VEGFC: variants seen among roughly 807,000 people sequenced by gnomAD.
VEGFC encodes vascular endothelial growth factor C, also known as FLT4 ligand DHM.
VEGFC carries 12 observed loss-of-function variants against 46.1 expected under a neutral mutation model. That is an observed-to-expected ratio of 0.26 (90% CI 0.17 to 0.42). The LOEUF is 0.42. VEGFC is among the 10% of genes least tolerant of loss of function. VEGFC has a pLI of 1.00. For synonymous variants in VEGFC, 232 were observed against 195.5 expected (o/e 1.19, Z -1.56); for missense variants, 488 against 529.4 (o/e 0.92, Z 0.77).
At position 176,684,882 on chromosome 4, in the gene VEGFC, C is replaced by T. The variant is rs111502509; in HGVS notation, c.1146-842G>A. ...CTGGGATTACAGGTATGTGTGGCCA[C>T]GCCTGGCTAAGTTTCTGTATTTTTC... On this transcript the variant is annotated intron_variant, in intron 6 of 6. Coordinates refer to ENST00000618562, the MANE Select transcript of VEGFC (RefSeq NM_005429.5). Among the ~76,000 whole-genome samples, 5 of 152,240 alleles carry T rather than the reference C, an allele frequency of 3.3e-5. 1 individual carries two copies. The highest frequency in any genetic ancestry group is 9.6e-5 in the African/African-American group (4 of 41,554).
intron 1 of VEGFC, among the ~76,000 whole-genome samples, chr4:176,763,831 C>A (rs7688514): frequency 0.86 from 130,335 of 152,076 alleles, 56,692 homozygotes; most frequent in East Asian, 1. Context: ...ATTAATCCTC[C>A]TAAGAGTCCT....
chr4:176,721,088 A>C (rs537390376), intron 3 of VEGFC, among the ~76,000 whole-genome samples: 10 of 152,214 alleles, frequency 6.6e-5, no homozygotes, highest in African/African-American at 2.4e-4. Flanking sequence ...TGGAGGTGAC[A>C]GATATTGACA....
At chr4:176,741,530 G>A (rs577109098) in intron 1 of VEGFC, among the ~76,000 whole-genome samples, 53 of 151,966 alleles carry the variant, frequency 3.5e-4, no homozygotes, top group African/African-American at 1.2e-3. Context: ...GTCTCAGACC[G>A]TCAGATCTTA....
chr4:176,758,525 G>A (rs569085634), intron 1 of VEGFC, among the ~76,000 whole-genome samples: 1 of 152,120 alleles, frequency 6.6e-6, no homozygotes, highest in African/African-American at 2.4e-5. Flanking sequence ...TTACTGACTA[G>A]AACTGAATTA....
At chr4:176,688,016 C>A in intron 4 of VEGFC, 89 bp from the exon 5 acceptor site, 6 of 626,512 alleles carry the variant, frequency 9.6e-6, no homozygotes, top group South Asian at 5.0e-5. Context: ...AAATAATGCT[C>A]ATAGAAAAGC....
At chr4:176,761,889 C>A (rs1735536536) in intron 1 of VEGFC, among the ~76,000 whole-genome samples, 1 of 152,148 alleles carries the variant, frequency 6.6e-6, no homozygotes, top group Non-Finnish European at 1.5e-5. Flanking sequence ...TGGAAGAAGC[C>A]ATCAGCCTGG....
At chr4:176,691,703 C>T (rs990091675) in intron 4 of VEGFC, among the ~76,000 whole-genome samples, 3 of 152,174 alleles carry the variant, frequency 2.0e-5, no homozygotes, top group Admixed American at 6.5e-5. Flanking sequence ...TTTATCTCTC[C>T]TTTGAAATAT....
intron 1 of VEGFC, among the ~76,000 whole-genome samples, chr4:176,731,926 G>A (rs1734971506): frequency 6.6e-6 from 1 of 151,618 alleles, no homozygotes; most frequent in African/African-American, 2.4e-5. Flanking sequence ...TTCCTCAATA[G>A]ATCAGCTGGA....
chr4:176,786,438 T>C (rs376437896), intron 1 of VEGFC, among the ~76,000 whole-genome samples: 1 of 152,192 alleles, frequency 6.6e-6, no homozygotes. Flanking sequence ...CCCATTTCTG[T>C]AATTAGCATC....
At position 176,727,835 on chromosome 4, in the gene VEGFC, G is replaced by A. The variant is rs375274193; in HGVS notation, c.495C>T (p.Cys165=). Residue 165 remains cysteine, a synonymous_variant, in exon 3 of 7, where the codon TGC becomes TGT. Coordinates refer to ENST00000618562, the MANE Select transcript of VEGFC (RefSeq NM_005429.5). Reference sequence around the variant, plus strand: ...TGCACTGCAGCCCCTCACTATTGCAGCAACCCCCACATCTGTAGACGGACA... The same window carrying A: ...TGCACTGCAGCCCCTCACTATTGCAACAACCCCCACATCTGTAGACGGACA... The part of the protein sequence containing the change: ...PCVSVYRCGG[C]CNSEGLQCMN... 1.9e-6 allele frequency: 3 copies of A among 1,613,802 alleles called. No homozygotes were observed. The highest frequency in any genetic ancestry group is 2.7e-5 in the African/African-American group (2 of 74,880).
intron 1 of VEGFC, among the ~76,000 whole-genome samples, chr4:176,749,744 A>C (rs1024947354): frequency 6.6e-6 from 1 of 151,846 alleles, no homozygotes; most frequent in Non-Finnish European, 1.5e-5. Context: ...TGAAAACTGA[A>C]ATTGAGATAG....
intron 4 of VEGFC, among the ~76,000 whole-genome samples, chr4:176,703,147 A>G (rs991774602): frequency 6.6e-6 from 1 of 152,134 alleles, no homozygotes; most frequent in African/African-American, 2.4e-5. Context: ...TAAATACAAA[A>G]AAATAGTTGT....
Position 176,692,435 on chromosome 4 carries a change from GCA to G in VEGFC, c.705-4510_705-4509del, listed in dbSNP as rs1383294343. The stretch of plus-strand genomic sequence containing the variant: ...ACAAACAAAAAAAAAACAAAAAACG[GCA>G]CACCACGAGATTATACCCGCACCTG... On this transcript the variant is annotated intron_variant, in intron 4 of 6. Transcript: ENST00000618562. 3.9e-5 allele frequency among the ~76,000 whole-genome samples: 5 copies of G among 127,328 alleles called. No homozygotes were observed. In the East Asian group the frequency reaches 1.0e-3, roughly 26 times the overall value. The allele number at this position is 127,328 out of a possible 152,430, so 83.5% of individuals were successfully genotyped here. A position where few individuals can be genotyped will look rare whatever the true frequency, so the allele number is the denominator to read the frequency against.
At chr4:176,725,999 A>T (rs1393961824) in intron 3 of VEGFC, among the ~76,000 whole-genome samples, 6 of 152,176 alleles carry the variant, frequency 3.9e-5, no homozygotes, top group African/African-American at 7.2e-5. Context: ...GATAAAATAC[A>T]TAATACCAAT....
intron 1 of VEGFC, among the ~76,000 whole-genome samples, chr4:176,748,287 A>C (rs1735289999): frequency 6.6e-6 from 1 of 152,144 alleles, no homozygotes; most frequent in Non-Finnish European, 1.5e-5. Flanking sequence ...GACACAGAGG[A>C]GGGTTCTAGA....
chr4:176,699,617 T>C (rs1018322473), intron 4 of VEGFC, among the ~76,000 whole-genome samples: 6 of 152,202 alleles, frequency 3.9e-5, no homozygotes, highest in African/African-American at 1.4e-4. Flanking sequence ...CAAATATCTT[T>C]GAACTGTCAT....
chr4:176,778,199 C>T (rs531786854), intron 1 of VEGFC, among the ~76,000 whole-genome samples: 1 of 152,164 alleles, frequency 6.6e-6, no homozygotes, highest in East Asian at 1.9e-4. Flanking sequence ...AACTACAAAA[C>T]AGAGGACAAT....
At chr4:176,726,633 G>C (rs572606647) in intron 3 of VEGFC, among the ~76,000 whole-genome samples, 2 of 152,116 alleles carry the variant, frequency 1.3e-5, no homozygotes, top group Admixed American at 6.6e-5. Context: ...CCAAATGATC[G>C]TAACAGTAAA....
At position 176,683,876 on chromosome 4, in the gene VEGFC, AAC is replaced by A. The variant is rs1733986563; in HGVS notation, c.*48_*49del. ...TGTTCACAGACAGTTCTACTGTGGC[AAC>A]ACAGTTTTCCATAATAGAAAATCGA... is the stretch of plus-strand genomic sequence containing the variant. On this transcript the variant is annotated 3_prime_UTR_variant, in exon 7 of 7. Transcript: ENST00000618562. The A allele has an allele frequency of 1.4e-6, 2 of 1,467,108 alleles. No homozygotes were observed. The highest frequency in any genetic ancestry group is 4.5e-5 in the East Asian group (2 of 44,150). The allele number at this position is 1,467,108 out of a possible 1,614,324, so 90.9% of individuals were successfully genotyped here. A position where few individuals can be genotyped will look rare whatever the true frequency, so the allele number is the denominator to read the frequency against.
Sources: gnomAD v4.1 joint callset for allele counts (sites outside exome capture counted in the v4.1 genomes callset) on GRCh38, gnomAD v4.1.1 for gene constraint, MANE v1.5 for transcripts, NCBI Gene and HGNC (gene_info 2026-07-23, HGNC 2026-07-21) for gene names.